TYW1: variants seen among roughly 807,000 people sequenced by gnomAD.
TYW1 encodes S-adenosyl-L-methionine-dependent tRNA 4-demethylwyosine synthase TYW1.
TYW1 carries 46 observed loss-of-function variants against 96.2 expected under a neutral mutation model. That is an observed-to-expected ratio of 0.48 (90% CI 0.38 to 0.61). The LOEUF (loss-of-function observed/expected upper bound fraction) is 0.61. TYW1 is among the 20% of genes least tolerant of loss of function. TYW1 has a pLI of 0.00. For missense variants in TYW1, 684 were observed against 909.6 expected (o/e 0.75, Z 3.19); for synonymous variants, 274 against 323.0 (o/e 0.85, Z 1.63).
At chr7:67,010,025 C>T (rs188258067) in intron 4 of TYW1, among the ~76,000 whole-genome samples, 1 of 151,326 alleles carries the variant, frequency 6.6e-6, no homozygotes, top group African/African-American at 2.4e-5. Flanking sequence ...CTATGTCACC[C>T]AGGCTGGAGT....
intron 15 of TYW1, among the ~76,000 whole-genome samples, chr7:67,236,816 T>C (rs1184503277): frequency 7.0e-6 from 1 of 143,654 alleles, no homozygotes; most frequent in Non-Finnish European, 1.5e-5. Flanking sequence ...CAGGAACCTA[T>C]GTATTTTCTT....
intron 13 of TYW1, among the ~76,000 whole-genome samples, chr7:67,119,749 CA>C (rs1797703883): frequency 6.6e-6 from 1 of 152,076 alleles, no homozygotes; most frequent in South Asian, 2.1e-4. Context: ...GAATTCTGCA[CA>C]ATGTCTAGCA....
At chr7:67,008,597 T>TTCCC in intron 3 of TYW1, among the ~76,000 whole-genome samples, 1 of 152,216 alleles carries the variant, frequency 6.6e-6, no homozygotes, top group South Asian at 2.1e-4. Flanking sequence ...CCCTAGGACT[T>TTCCC]TTTCCTGTCT....
intron 15 of TYW1, among the ~76,000 whole-genome samples, chr7:67,224,120 C>T (rs550644830): frequency 1.2e-3 from 184 of 152,246 alleles, no homozygotes; most frequent in Non-Finnish European, 2.3e-3. Context: ...CAAGTTGATA[C>T]TTGTTTGTTT....
At chr7:67,204,675 A>G (rs4718477) in intron 15 of TYW1, among the ~76,000 whole-genome samples, 37,951 of 150,152 alleles carry the variant, frequency 0.25, 4,944 homozygotes, top group Middle Eastern at 0.3. Flanking sequence ...GCTCACTGCA[A>G]CCTCCACCTC....
intron 5 of TYW1, among the ~76,000 whole-genome samples, chr7:67,017,143 C>G (rs1016680185): frequency 1.3e-5 from 2 of 151,922 alleles, no homozygotes; most frequent in African/African-American, 4.8e-5. Flanking sequence ...CCACCATGCC[C>G]CACTAATTTT....
chr7:67,168,932 G>A (rs1436700332), intron 13 of TYW1, among the ~76,000 whole-genome samples: 1 of 152,026 alleles, frequency 6.6e-6, no homozygotes, highest in Non-Finnish European at 1.5e-5. Context: ...GGCTGGTCTC[G>A]AACTCCTGAC....
intron 13 of TYW1, among the ~76,000 whole-genome samples, chr7:67,152,686 C>T (rs533658766): frequency 1.3e-5 from 2 of 152,276 alleles, no homozygotes; most frequent in South Asian, 4.2e-4. Context: ...ACTGTACCCT[C>T]AGCCTCCCGG....
At chr7:67,010,223 C>T (rs1281475970) in intron 4 of TYW1, among the ~76,000 whole-genome samples, 1 of 152,096 alleles carries the variant, frequency 6.6e-6, no homozygotes, top group Non-Finnish European at 1.5e-5. Flanking sequence ...TCTGAAACTC[C>T]TGGCCTCAAG....
chr7:67,082,828 G>A (rs925453892), intron 10 of TYW1, among the ~76,000 whole-genome samples: 5 of 152,164 alleles, frequency 3.3e-5, no homozygotes, highest in Admixed American at 6.6e-5. Context: ...TTATGGCATT[G>A]TAATCTTTTG....
chr7:67,165,408 A>G (rs1239899204), intron 13 of TYW1, among the ~76,000 whole-genome samples: 7 of 150,276 alleles, frequency 4.7e-5, no homozygotes, highest in Non-Finnish European at 1.0e-4. Context: ...ATGACTATAT[A>G]TTTTTAAACT....
intron 15 of TYW1, among the ~76,000 whole-genome samples, chr7:67,201,911 C>T (rs1055236972): frequency 3.9e-5 from 6 of 152,158 alleles, no homozygotes; most frequent in Admixed American, 3.9e-4. Context: ...CACAGCCTAA[C>T]GTTGAAACTG....
chr7:67,163,042 A>G (rs1799209123), intron 13 of TYW1, among the ~76,000 whole-genome samples: 1 of 152,086 alleles, frequency 6.6e-6, no homozygotes, highest in Non-Finnish European at 1.5e-5. Flanking sequence ...CTTACTAGTC[A>G]TTCGTTCTTT....
intron 13 of TYW1, among the ~76,000 whole-genome samples, chr7:67,149,722 A>ATATCTATCTATCTATCTATCTATCTATC (rs59266321): frequency 7.1e-6 from 1 of 140,120 alleles, no homozygotes; most frequent in Non-Finnish European, 1.6e-5. Context: ...AGGAAAAAAA[A>ATATCTATCTATCTATCTATCTATCTATC]TATCTATCTA....
intron 15 of TYW1, among the ~76,000 whole-genome samples, chr7:67,212,301 T>C (rs1351314518): frequency 1.3e-5 from 2 of 149,890 alleles, no homozygotes; most frequent in African/African-American, 2.5e-5. Context: ...TAAGATTCTT[T>C]CGTGCATTTT....
chr7:67,134,981 T>C (rs1286403710), intron 13 of TYW1, among the ~76,000 whole-genome samples: 1 of 134,498 alleles, frequency 7.4e-6, no homozygotes, highest in Admixed American at 7.7e-5. Flanking sequence ...ATCAACCAGG[T>C]GTGCTAATGC....
At chr7:67,230,424 T>C (rs1801713796) in intron 15 of TYW1, among the ~76,000 whole-genome samples, 1 of 150,258 alleles carries the variant, frequency 6.7e-6, no homozygotes, top group Non-Finnish European at 1.5e-5. Flanking sequence ...AAATTCTACA[T>C]GGACAGTTAA....
At chr7:67,134,153 A>G (rs1162011067) in intron 13 of TYW1, among the ~76,000 whole-genome samples, 2 of 152,112 alleles carry the variant, frequency 1.3e-5, no homozygotes, top group Admixed American at 1.3e-4. Context: ...TTTAGTAAAA[A>G]TAGGATTAAT....
At chr7:67,152,399 ACT>A (rs1366743259) in intron 13 of TYW1, among the ~76,000 whole-genome samples, 1 of 143,776 alleles carries the variant, frequency 7.0e-6, no homozygotes, top group Non-Finnish European at 1.5e-5. Flanking sequence ...TCCTCTTGAA[ACT>A]CTCTCCTTTG....
Sources: allele counts gnomAD v4.1 joint callset (sites outside exome capture counted in the v4.1 genomes callset), GRCh38; gene constraint gnomAD v4.1.1; transcripts MANE v1.5; gene names NCBI Gene and HGNC (gene_info 2026-07-23, HGNC 2026-07-21).